The following TICAM1 variants were observed in gnomAD, a reference collection of about 807,000 sequenced individuals.
TICAM1 encodes TIR domain containing adaptor molecule 1, also known as TIR domain-containing adapter molecule 1.
For missense variants in TICAM1, 895 were observed against 938.2 expected (o/e 0.95, Z 0.60); for synonymous variants, 439 against 415.4 (o/e 1.06, Z -0.69).
At chr19:4,823,326 A>T (rs1734819955) in intron 1 of TICAM1, among the ~76,000 whole-genome samples, 1 of 152,124 alleles carries the variant, frequency 6.6e-6, no homozygotes, top group African/African-American at 2.4e-5. Flanking sequence ...TTATCCAGGC[A>T]TGGTGGCGGG....
rs1237489267 is a variant in TICAM1, at chr19:4,816,669, T to C, written c.1709A>G (p.Tyr570Cys). 6 of 1,614,106 alleles carry C rather than the reference T, an allele frequency of 3.7e-6. No individual in the cohort carries two copies. The highest frequency in any genetic ancestry group is 5.1e-6 in the Non-Finnish European group (6 of 1,180,016). Residue 570 changes from tyrosine (Y) to cysteine (C), a missense_variant, in exon 2 of 2, where the codon TAC becomes TGC. Physicochemically the swap from Tyr to Cys is radical, Grantham distance 194. Transcript: ENST00000248244. This position sits in a 1 kb window ranked among gnomAD's most constrained non-coding sequence, Gnocchi z 4.3. ...RMQAAALNAA[Y>C]SAYLQSYLSY... The stretch of plus-strand genomic sequence containing the variant: ...CAAGTAGCTCTGGAGGTAGGCTGAG[T>C]AGGCTGCGTTCAGTGCCGCCGCCTG...
chr19:4,825,695 C>T (rs1006277151), intron 1 of TICAM1, among the ~76,000 whole-genome samples: 5 of 148,428 alleles, frequency 3.4e-5, no homozygotes, highest in African/African-American at 7.5e-5. Context: ...TGGTGGCTCA[C>T]GCCTGTAATC....
chr19:4,831,208 G>A (rs10404543), intron 1 of TICAM1, among the ~76,000 whole-genome samples: 19,336 of 151,402 alleles, frequency 0.13, 1,704 homozygotes, highest in South Asian at 0.24. Flanking sequence ...AATTCAGGGC[G>A]TTGAGAGAAA....
At position 4,817,396 on chromosome 19, in the gene TICAM1, C is replaced by G; in HGVS notation, c.982G>C (p.Val328Leu). 2 of 1,613,946 alleles carry G rather than the reference C, an allele frequency of 1.2e-6. No individual in the cohort carries two copies. The highest frequency in any genetic ancestry group is 1.7e-6 in the Non-Finnish European group (2 of 1,180,024). ...ILEPVKNPCS[V>L]KDQTPLQLSV... ...AGTTGGAGTGGCGTCTGGTCTTTGA[C>G]AGAGCAGGGGTTTTTGACCGGCTCC... Residue 328 changes from valine (V) to leucine (L), a missense_variant, in exon 2 of 2, where the codon GTC becomes CTC. Transcript: ENST00000248244. The surrounding 1 kb of genome is among the most constrained non-coding windows in gnomAD (Gnocchi z 4.7).
chr19:4,828,947 T>A (rs1314774774), intron 1 of TICAM1, among the ~76,000 whole-genome samples: 1 of 152,026 alleles, frequency 6.6e-6, no homozygotes, highest in Non-Finnish European at 1.5e-5. Context: ...GTGATCCGCC[T>A]GCCTTGGCCT....
At position 4,817,305 on chromosome 19, in the gene TICAM1, G is replaced by A. The variant is rs757691551; in HGVS notation, c.1073C>T (p.Thr358Ile). ...PCPPTPTTPE[T>I]SPPPPPPPPS... ...AGGAGGAGGAGGAGGAGGAGGGGAT[G>A]TTTCTGGGGTGGTGGGAGTAGGTGG... Residue 358 changes from threonine (T) to isoleucine (I), a missense_variant, in exon 2 of 2, where the codon ACA becomes ATA. Coordinates refer to ENST00000248244, the MANE Select transcript of TICAM1 (RefSeq NM_182919.4). This position sits in a 1 kb window ranked among gnomAD's most constrained non-coding sequence, Gnocchi z 4.7. The A allele has an allele frequency of 6.2e-7, 1 of 1,612,682 alleles. No homozygotes were observed. The highest frequency in any genetic ancestry group is 1.1e-5 in the South Asian group (1 of 91,030).
Position 4,816,352 on chromosome 19 carries a change from G to T in TICAM1, c.2026C>A (p.Leu676Met). ...GCGTGGTGGATAATGAGGGGTTGCA[G>T]CCCTGGGCTCTGAGGGGGTGCGGGT... ...ASPAPPQSPG[L>M]QPLIIHHAQM... is the part of the protein sequence containing the mutation. Residue 676 changes from leucine (L) to methionine (M), a missense_variant, in exon 2 of 2, where the codon CTG (leucine) becomes ATG (methionine). Leu to Met is a conservative substitution (Grantham distance 15). Coordinates refer to ENST00000248244, the MANE Select transcript of TICAM1 (RefSeq NM_182919.4). This position sits in a 1 kb window ranked among gnomAD's most constrained non-coding sequence, Gnocchi z 4.3. 1 of 1,587,426 alleles carries T rather than the reference G, an allele frequency of 6.3e-7. No individual in the cohort carries two copies.
Position 4,816,941 on chromosome 19 carries a change from T to G in TICAM1, c.1437A>C (p.Arg479=), listed in dbSNP as rs767470486. ...VNQAMMSNLT[R]QGSPDCVIPF... is the part of the protein sequence containing the mutation. The stretch of plus-strand genomic sequence containing the variant: ...GGATGACACAGTCTGGCGACCCCTG[T>G]CGCGTGAGGTTGCTCATCATGGCTT... Residue 479 remains arginine (R), a synonymous_variant, in exon 2 of 2, where the codon CGA becomes CGC. Coordinates refer to ENST00000248244, the MANE Select transcript of TICAM1 (RefSeq NM_182919.4). The surrounding 1 kb of genome is among the most constrained non-coding windows in gnomAD (Gnocchi z 4.3). 9 of 1,613,842 alleles carry G rather than the reference T, an allele frequency of 5.6e-6. No individual in the cohort carries two copies. Among genetic ancestry groups the G allele is most frequent in the Non-Finnish European group, 7.6e-6 (9 of 1,180,032 alleles).
rs1313222893 is a variant in TICAM1, at chr19:4,817,572, C to T, written c.806G>A (p.Ser269Asn). 1 of 1,611,490 alleles carries T rather than the reference C, an allele frequency of 6.2e-7. No individual in the cohort carries two copies. ...GEIASPPELPSSPPPGLPEVA... is the reference protein window; with the variant it reads ...GEIASPPELPNSPPPGLPEVA... ...TTCGGGAAGCCCAGGAGGTGGGCTGCTTGGCAGCTCTGGTGGGCTGGCAAT... is the reference window on the plus strand; with the variant it reads ...TTCGGGAAGCCCAGGAGGTGGGCTGTTTGGCAGCTCTGGTGGGCTGGCAAT... The change falls in exon 2 of 2, where the codon AGC becomes AAC. Residue 269 changes from serine to asparagine, a missense_variant. Transcript: ENST00000248244. This position sits in a 1 kb window ranked among gnomAD's most constrained non-coding sequence, Gnocchi z 4.7.
chr19:4,824,230 A>G (rs977018216), intron 1 of TICAM1, among the ~76,000 whole-genome samples: 8 of 151,746 alleles, frequency 5.3e-5, no homozygotes, highest in African/African-American at 1.7e-4. Flanking sequence ...GCTGGTCTTG[A>G]ACTCCTGACC....
chr19:4,830,464 C>T (rs2093612240), intron 1 of TICAM1, among the ~76,000 whole-genome samples: 1 of 152,080 alleles, frequency 6.6e-6, no homozygotes, highest in Admixed American at 6.6e-5. Context: ...AGTGATCCTC[C>T]CACCTTGTCC....
rs375733098 is a variant in TICAM1 at position 4,819,890 on chromosome 19, TAGTC to T, written c.-139-1378_-139-1375del. 1.5e-3 allele frequency among the ~76,000 whole-genome samples: 221 copies of T among 151,134 alleles called. 1 individual carries two copies. Among genetic ancestry groups the T allele is most frequent in the African/African-American group, 5.2e-3 (213 of 41,210 alleles). ...AACCCCGTCTCAATAAATAAATAAATAGTCAGCCTTCTAGATGGTCCTCAAGGAC... is the reference window on the plus strand; with the variant it reads ...AACCCCGTCTCAATAAATAAATAAATAGCCTTCTAGATGGTCCTCAAGGAC... On this transcript the variant is annotated intron_variant, in intron 1 of 1. Coordinates refer to ENST00000248244, the MANE Select transcript of TICAM1 (RefSeq NM_182919.4).
chr19:4,828,115 G>GT (rs1226334196), intron 1 of TICAM1, among the ~76,000 whole-genome samples: 62 of 146,398 alleles, frequency 4.2e-4, no homozygotes, highest in Middle Eastern at 3.5e-3. Context: ...ACTCTTTTTT[G>GT]TTTTTTTTAT....
intron 1 of TICAM1, among the ~76,000 whole-genome samples, chr19:4,825,490 G>A (rs541293746): frequency 1.3e-5 from 2 of 151,810 alleles, no homozygotes; most frequent in African/African-American, 4.8e-5. Context: ...CAAAGTGTTG[G>A]GATTACAGGC....
intron 1 of TICAM1, among the ~76,000 whole-genome samples, chr19:4,819,605 G>T (rs2093593785): frequency 6.6e-6 from 1 of 152,156 alleles, no homozygotes; most frequent in Non-Finnish European, 1.5e-5. Context: ...GAGCACGGTG[G>T]CTCACACCTG....
intron 1 of TICAM1, among the ~76,000 whole-genome samples, chr19:4,820,258 A>C (rs1283198821): frequency 6.6e-6 from 1 of 151,522 alleles, no homozygotes; most frequent in Non-Finnish European, 1.5e-5. Context: ...GTCTCTACTA[A>C]AAATACAAAA....
At position 4,817,764 on chromosome 19, in the gene TICAM1, C is replaced by T. The variant is rs754876060; in HGVS notation, c.614G>A (p.Ser205Asn). 2.2e-5 allele frequency: 36 copies of T among 1,602,044 alleles called. No individual in the cohort carries two copies. Among genetic ancestry groups the T allele is most frequent in the Non-Finnish European group, 2.9e-5 (34 of 1,177,168 alleles). The change falls in exon 2 of 2, where the codon AGC becomes AAC. Residue 205 changes from serine (S) to asparagine (N), a missense_variant. Physicochemically the swap from Ser to Asn is conservative, Grantham distance 46. Transcript: ENST00000248244. The surrounding 1 kb of genome is among the most constrained non-coding windows in gnomAD (Gnocchi z 4.7). ...AGGGGACTGGCTGATTTCCAAGTTG[C>T]TGGCCAGGGAGGCAGGGCTGCCAGT... ...RSTGSPASLA[S>N]NLEISQSPTM...
chr19:4,825,378 A>G (rs2146178674), intron 1 of TICAM1, among the ~76,000 whole-genome samples: 1 of 152,252 alleles, frequency 6.6e-6, no homozygotes, highest in African/African-American at 2.4e-5. Flanking sequence ...CCATTTAGCT[A>G]TATAACAAAC....
chr19:4,816,388 G>A lies in TICAM1; in HGVS notation c.1990C>T (p.Pro664Ser). The change falls in exon 2 of 2, where the codon CCT (proline) becomes TCT (serine). Residue 664 changes from proline to serine, a missense_variant. Transcript: ENST00000248244. The surrounding 1 kb of genome is among the most constrained non-coding windows in gnomAD (Gnocchi z 4.3). Reference sequence around the variant, plus strand: ...TGAGGGGGTGCGGGTGAGGCCGTAGGGAAGGCTGGGGACTGCGGGAAGGGC... The same window carrying A: ...TGAGGGGGTGCGGGTGAGGCCGTAGAGAAGGCTGGGGACTGCGGGAAGGGC... Reference protein sequence around the residue: ...SLPFPQSPAFPTASPAPPQSP... With the variant: ...SLPFPQSPAFSTASPAPPQSP... 6.3e-7 allele frequency: 1 copy of A among 1,580,608 alleles called. No individual in the cohort carries two copies. Among genetic ancestry groups the A allele is most frequent in the Non-Finnish European group, 8.6e-7 (1 of 1,165,440 alleles).
Sources: gnomAD v4.1 joint callset for allele counts (sites outside exome capture counted in the v4.1 genomes callset) on GRCh38, gnomAD v4.1.1 for gene constraint, Gnocchi (gnomAD v3.1) non-coding constraint, MANE v1.5 for transcripts, NCBI Gene and HGNC (gene_info 2026-07-23, HGNC 2026-07-21) for gene names.